The following GFRAL variants were observed in gnomAD, a reference collection of about 807,000 sequenced individuals.
The protein encoded by GFRAL is GDNF family receptor alpha-like.
GFRAL carries 36 observed loss-of-function variants against 45.4 expected under a neutral mutation model. The ratio of observed to expected loss-of-function variants is 0.79; its 90% CI spans 0.61 to 1.05. GFRAL has a LOEUF of 1.05. GFRAL is among the 50% of genes least tolerant of loss of function. GFRAL has a pLI of 0.00. For synonymous variants in GFRAL, 166 were observed against 154.1 expected (o/e 1.08, Z -0.57); for missense variants, 507 against 467.5 (o/e 1.08, Z -0.78).
Position 55,399,047 on chromosome 6 carries a change from T to C in GFRAL, c.953-133T>C, listed in dbSNP as rs143486799. 5.4e-4 allele frequency: 278 copies of C among 510,870 alleles called. 1 individual carries two copies. Among genetic ancestry groups the C allele is most frequent in the Non-Finnish European group, 8.3e-4 (238 of 288,358 alleles). The allele number at this position is 510,870 out of a possible 1,614,324, so 31.6% of individuals were successfully genotyped here. A position where few individuals can be genotyped will look rare whatever the true frequency, so the allele number is the denominator to read the frequency against. On this transcript the variant is annotated intron_variant, in intron 6 of 8. Coordinates refer to ENST00000340465, the MANE Select transcript of GFRAL (RefSeq NM_207410.2). The stretch of plus-strand genomic sequence containing the variant: ...AATTTAAGAAAATTGTTCCTAGTTT[T>C]ATTCAAATCTATCAGATTAAAATAA...
At chr6:55,395,505 T>C (rs1017019120) in intron 6 of GFRAL, among the ~76,000 whole-genome samples, 1 of 151,960 alleles carries the variant, frequency 6.6e-6, no homozygotes, top group Non-Finnish European at 1.5e-5. Flanking sequence ...TTTTTTCCCA[T>C]GAAACTCATT....
chr6:55,333,779 T>A lies in GFRAL; in HGVS notation c.158-7T>A, dbSNP rs766626588. ...AATATCTATAGTGTTATGTGTTTGA[T>A]TGTGAGATCCAGGTGACCCCTGCAA... On this transcript the variant is annotated splice_polypyrimidine_tract_variant and splice_region_variant and intron_variant, in intron 2 of 8. Transcript: ENST00000340465. The A allele has an allele frequency of 6.3e-7, 1 of 1,576,970 alleles. No homozygotes were observed. The highest frequency in any genetic ancestry group is 1.2e-5 in the South Asian group (1 of 85,316).
chr6:55,399,075 T>C, intron 6 of GFRAL, 105 bp from the exon 7 acceptor site: 1 of 568,470 alleles, frequency 1.8e-6, no homozygotes, highest in Admixed American at 3.6e-5. Context: ...TAAAATAATG[T>C]AATGGAAATA....
At chr6:55,391,032 T>C (rs1768747358) in intron 6 of GFRAL, among the ~76,000 whole-genome samples, 1 of 151,986 alleles carries the variant, frequency 6.6e-6, no homozygotes, top group Admixed American at 6.6e-5. Context: ...TCTATCGCAA[T>C]ACCCTTTTTA....
chr6:55,370,947 A>G (rs1376306311), intron 6 of GFRAL, among the ~76,000 whole-genome samples: 1 of 152,188 alleles, frequency 6.6e-6, no homozygotes, highest in Non-Finnish European at 1.5e-5. Flanking sequence ...GGGGCAAGCA[A>G]GTTCTCAGCT....
intron 6 of GFRAL, among the ~76,000 whole-genome samples, chr6:55,371,173 T>C (rs1768445594): frequency 6.6e-6 from 1 of 152,248 alleles, no homozygotes; most frequent in Admixed American, 6.5e-5. Context: ...ACTTTTGCTA[T>C]CTATAATTAT....
rs1381269282 is a variant in GFRAL at position 55,401,875 on chromosome 6, A to G, written c.*22A>G. On this transcript the variant is annotated 3_prime_UTR_variant, in exon 9 of 9. Coordinates refer to ENST00000340465, the MANE Select transcript of GFRAL (RefSeq NM_207410.2). ...CTGATTCATTAGGAGTCATGGACCTATAACAATCACTCTTTTCTCTGCTTT... is the reference window on the plus strand; with the variant it reads ...CTGATTCATTAGGAGTCATGGACCTGTAACAATCACTCTTTTCTCTGCTTT... 2.3e-6 allele frequency: 3 copies of G among 1,277,330 alleles called. No homozygotes were observed. Among genetic ancestry groups the G allele is most frequent in the Non-Finnish European group, 3.4e-6 (3 of 875,402 alleles). The allele number at this position is 1,277,330 out of a possible 1,614,324, so 79.1% of individuals were successfully genotyped here. A position where few individuals can be genotyped will look rare whatever the true frequency, so the allele number is the denominator to read the frequency against.
chr6:55,389,065 T>C (rs1357922122), intron 6 of GFRAL, among the ~76,000 whole-genome samples: 1 of 152,206 alleles, frequency 6.6e-6, no homozygotes, highest in Admixed American at 6.5e-5. Context: ...TGTATAGATA[T>C]ATGCTTTACA....
intron 6 of GFRAL, among the ~76,000 whole-genome samples, chr6:55,389,545 C>T (rs183899078): frequency 7.0e-4 from 106 of 150,682 alleles, no homozygotes; most frequent in Admixed American, 2.1e-3. Context: ...TCATTTAATC[C>T]TCACAAAAAA....
intron 3 of GFRAL, among the ~76,000 whole-genome samples, chr6:55,348,516 G>A (rs963660383): frequency 3.3e-5 from 5 of 151,984 alleles, no homozygotes; most frequent in African/African-American, 1.2e-4. Context: ...TCCGGATTAC[G>A]AAAAATCTCA....
At chr6:55,383,900 G>A (rs750485596) in intron 6 of GFRAL, among the ~76,000 whole-genome samples, 5 of 152,034 alleles carry the variant, frequency 3.3e-5, no homozygotes, top group Non-Finnish European at 5.9e-5. Context: ...GGAAAATCAG[G>A]TGGAATCTGG....
Position 55,399,386 on chromosome 6 carries a change from G to A in GFRAL, c.1066G>A (p.Ala356Thr). 6.2e-7 allele frequency: 1 copy of A among 1,610,854 alleles called. No homozygotes were observed. The highest frequency in any genetic ancestry group is 8.5e-7 in the Non-Finnish European group (1 of 1,177,350). ...SPFNGEVIYA[A>T]MCMTVTCGIL... ...TTTTCTAGGAGAAGTAATCTATGCT[G>A]CCATGTGCATGACAGTCACCTGTGG... The change falls in exon 8 of 9, where the codon GCC becomes ACC. Residue 356 changes from alanine to threonine, a missense_variant. Physicochemically the swap from Ala to Thr is moderately conservative, Grantham distance 58. Coordinates refer to ENST00000340465, the MANE Select transcript of GFRAL (RefSeq NM_207410.2).
At chr6:55,393,441 T>G (rs1264682824) in intron 6 of GFRAL, among the ~76,000 whole-genome samples, 3 of 152,184 alleles carry the variant, frequency 2.0e-5, no homozygotes, top group Non-Finnish European at 4.4e-5. Flanking sequence ...TTGAATTTAC[T>G]GTGTCCCCTT....
chr6:55,387,159 TA>T (rs1768690428), intron 6 of GFRAL, among the ~76,000 whole-genome samples: 1 of 152,176 alleles, frequency 6.6e-6, no homozygotes, highest in Non-Finnish European at 1.5e-5. Context: ...ATTTTGGCAT[TA>T]CTAGAGAAGA....
At chr6:55,332,687 G>A (rs988471636) in intron 2 of GFRAL, among the ~76,000 whole-genome samples, 1 of 152,092 alleles carries the variant, frequency 6.6e-6, no homozygotes, top group Non-Finnish European at 1.5e-5. Flanking sequence ...CTCCCAAAGT[G>A]CTGGGATTGC....
At chr6:55,343,817 T>G (rs1214869726) in intron 3 of GFRAL, among the ~76,000 whole-genome samples, 1 of 151,852 alleles carries the variant, frequency 6.6e-6, no homozygotes, top group Non-Finnish European at 1.5e-5. Flanking sequence ...AAGAATCAAA[T>G]AGAAGCAATA....
At position 55,359,056 on chromosome 6, in the gene GFRAL, A is replaced by G. The variant is rs746935914; in HGVS notation, c.870A>G (p.Gln290=). The change falls in exon 6 of 9, where the codon CAA becomes CAG. Residue 290 remains glutamine (Q), a synonymous_variant. Transcript: ENST00000340465. The part of the protein sequence containing the change: ...IDILGTVLQV[Q]CTCRTITQSE... Reference sequence around the variant, plus strand: ...TCCTTGGGACGGTCCTTCAAGTGCAATGTACCTGTAGGACCATTACACAAA... The same window carrying G: ...TCCTTGGGACGGTCCTTCAAGTGCAGTGTACCTGTAGGACCATTACACAAA... 5 of 1,612,330 alleles carry G rather than the reference A, an allele frequency of 3.1e-6. No homozygotes were observed. Among genetic ancestry groups the G allele is most frequent in the Non-Finnish European group, 4.2e-6 (5 of 1,178,714 alleles).
chr6:55,395,192 A>ATATATG (rs1401646017), intron 6 of GFRAL, among the ~76,000 whole-genome samples: 2 of 148,216 alleles, frequency 1.3e-5, no homozygotes, highest in African/African-American at 5.0e-5. Flanking sequence ...ATATATATAT[A>ATATATG]TAAGCCAGCT....
At chr6:55,383,167 G>A (rs1226040021) in intron 6 of GFRAL, among the ~76,000 whole-genome samples, 1 of 151,908 alleles carries the variant, frequency 6.6e-6, no homozygotes, top group Non-Finnish European at 1.5e-5. Context: ...CATTAGGTCT[G>A]GGGTAGGGCC....
Sources: gnomAD v4.1 joint callset for allele counts (sites outside exome capture counted in the v4.1 genomes callset) on GRCh38, gnomAD v4.1.1 for gene constraint, MANE v1.5 for transcripts, NCBI Gene and HGNC (gene_info 2026-07-23, HGNC 2026-07-21) for gene names.